The following BPIFC variants were observed in gnomAD, a reference collection of about 807,000 sequenced individuals.
The protein encoded by BPIFC is BPI fold-containing family C protein.
A neutral mutation model predicts 57.6 loss-of-function variants in BPIFC; 60 were observed. The ratio of observed to expected loss-of-function variants is 1.04; its 90% CI spans 0.85 to 1.29. BPIFC has a LOEUF of 1.29. BPIFC is among the 50% of genes most tolerant of loss of function. The pLI, the probability that BPIFC is intolerant of heterozygous loss-of-function variation, is 0.00. For missense variants in BPIFC, 581 were observed against 600.5 expected, an observed-to-expected ratio of 0.97 and a Z score of 0.34; for synonymous variants, 243 against 224.5, an observed-to-expected ratio of 1.08 and a Z score of -0.74.
At chr22:32,424,894 G>A (rs1470827420) in intron 13 of BPIFC, among the ~76,000 whole-genome samples, 1 of 150,762 alleles carries the variant, frequency 6.6e-6, no homozygotes, top group Non-Finnish European at 1.5e-5. Context: ...CGATTCTCCT[G>A]CCTCAGCCTC....
chr22:32,421,529 T>C (rs564888446), intron 13 of BPIFC, among the ~76,000 whole-genome samples: 1 of 152,208 alleles, frequency 6.6e-6, no homozygotes, highest in South Asian at 2.1e-4. Context: ...TTCCAATCCA[T>C]CTTCTACACC....
chr22:32,419,511 A>C, intron 13 of BPIFC, 107 bp from the exon 14 acceptor site: 1 of 1,164,740 alleles, frequency 8.6e-7, no homozygotes, highest in South Asian at 1.4e-5. Flanking sequence ...TATTTAAAAA[A>C]AAACACACAA....
intron 3 of BPIFC, 133 bp downstream of exon 3, chr22:32,457,130 C>T: frequency 9.6e-7 from 1 of 1,042,192 alleles, no homozygotes; most frequent in South Asian, 2.1e-5. Flanking sequence ...GCAGTTTCTG[C>T]ATAAGGTACT....
At chr22:32,446,596 G>T in intron 5 of BPIFC, 1 of 221,204 alleles carries the variant, frequency 4.5e-6, no homozygotes, top group Non-Finnish European at 7.6e-6. Context: ...ATGTTACACA[G>T]CAGGCACTCA....
chr22:32,459,838 A>G (rs1935126160), intron 2 of BPIFC, among the ~76,000 whole-genome samples: 1 of 150,002 alleles, frequency 6.7e-6, no homozygotes, highest in African/African-American at 2.5e-5. Context: ...GCAACGGAGC[A>G]AGATCCTGTC....
In BPIFC at chr22:32,445,963, G is replaced by A. The variant is rs200973548; in HGVS notation, c.408C>T (p.Ser136=). ...QDTGGADLFL[S]GVYFTGIIIL... is the part of the protein sequence containing the mutation. The stretch of plus-strand genomic sequence containing the variant: ...TAATGATACCGGTAAAGTAGACTCC[G>A]GAGAGAAACAGATCAGCCCCTCCTG... The change falls in exon 6 of 17, where the codon TCC becomes TCT. Residue 136 remains serine, a synonymous_variant. Transcript: ENST00000300399. The A allele has an allele frequency of 2.5e-5, 41 of 1,614,088 alleles. No individual in the cohort carries two copies. The highest frequency in any genetic ancestry group is 1.8e-4 in the East Asian group (8 of 44,868).
intron 15 of BPIFC, 86 bp from the exon 16 acceptor site, chr22:32,416,077 T>TG: frequency 1.4e-6 from 1 of 729,586 alleles, no homozygotes; most frequent in Non-Finnish European, 2.1e-6. Context: ...ACTGACAGCT[T>TG]GCTTTTTTTT....
intron 8 of BPIFC, among the ~76,000 whole-genome samples, chr22:32,439,414 T>G (rs560117526): frequency 6.6e-6 from 1 of 152,264 alleles, no homozygotes; most frequent in East Asian, 1.9e-4. Context: ...CCCACTCGGC[T>G]TTGGAGAGCT....
At chr22:32,455,050 C>CTTTTTTTTTTTTTTTTTTTTTTTTTTTTT (rs1392514246) in intron 3 of BPIFC, among the ~76,000 whole-genome samples, 1 of 134,148 alleles carries the variant, frequency 7.5e-6, no homozygotes. Flanking sequence ...TTTTCATCTC[C>CTTTTTTTTTTTTTTTTTTTTTTTTTTTTT]ATTTTTTTTT....
At position 32,414,315 on chromosome 22, in the gene BPIFC, C is replaced by A; in HGVS notation, c.1512G>T (p.Lys504Asn). Residue 504 changes from lysine to asparagine, a missense_variant, in exon 17 of 17, where the codon AAG becomes AAT. By Grantham distance (94) the Lys-to-Asn change is moderately conservative. Transcript: ENST00000300399. The part of the protein sequence containing the change: ...LNLISRQWRG[K>N]SAP ...TGCAAACCGGCAATCAAGGGGCTGA[C>A]TTCCCCCTCCACTGTCTGCTTATCA... 6.2e-7 allele frequency: 1 copy of A among 1,613,450 alleles called. No homozygotes were observed.
At chr22:32,450,163 C>CATAT (rs112140454) in intron 4 of BPIFC, among the ~76,000 whole-genome samples, 62 of 150,528 alleles carry the variant, frequency 4.1e-4, no homozygotes, top group African/African-American at 1.4e-3. Flanking sequence ...TATATACACA[C>CATAT]ATATATATAA....
chr22:32,452,966 T>G (rs1268846640), intron 4 of BPIFC, among the ~76,000 whole-genome samples: 3 of 152,220 alleles, frequency 2.0e-5, no homozygotes, highest in Non-Finnish European at 4.4e-5. Flanking sequence ...TGAACATTCC[T>G]GATTTTATTG....
intron 13 of BPIFC, among the ~76,000 whole-genome samples, chr22:32,422,391 C>G (rs1933872820): frequency 6.6e-6 from 1 of 152,094 alleles, no homozygotes. Context: ...ACACACCATA[C>G]AGACTTGCTG....
intron 7 of BPIFC, 39 bp from the exon 8 acceptor site, chr22:32,442,770 ATGT>A: frequency 6.3e-7 from 1 of 1,587,884 alleles, no homozygotes; most frequent in Non-Finnish European, 8.6e-7. Flanking sequence ...GCAAGTTACC[ATGT>A]TGTACTGGAA....
At chr22:32,434,057 C>T (rs1015865268) in intron 10 of BPIFC, among the ~76,000 whole-genome samples, 3 of 147,820 alleles carry the variant, frequency 2.0e-5, no homozygotes, top group South Asian at 2.2e-4. Flanking sequence ...ATGAATTGTA[C>T]GTATGTAGTA....
At chr22:32,419,328 A>C (rs371751585) in intron 14 of BPIFC, 34 bp downstream of exon 14, 1 of 1,593,924 alleles carries the variant, frequency 6.3e-7, no homozygotes, top group Non-Finnish European at 8.6e-7. Flanking sequence ...TCGTTCTTCC[A>C]GTGCTTGGTA....
chr22:32,428,730 T>G (rs1387350519), intron 13 of BPIFC, among the ~76,000 whole-genome samples: 1 of 151,894 alleles, frequency 6.6e-6, no homozygotes, highest in African/African-American at 2.4e-5. Context: ...AAACCCCATC[T>G]CTACTAAAAA....
chr22:32,428,250 CGTGTGTGTGTGTGTGTGTGCGCGCGCGT>C (rs1048694758), intron 13 of BPIFC, among the ~76,000 whole-genome samples: 10 of 143,264 alleles, frequency 7.0e-5, no homozygotes, highest in East Asian at 4.2e-4. Context: ...TACATTAAAA[CGTGTGTGTGTGTGTGTGTGCGCGCGCGT>C]GTGTGTGTGT....
At chr22:32,423,548 A>G (rs1933906101) in intron 13 of BPIFC, among the ~76,000 whole-genome samples, 1 of 146,920 alleles carries the variant, frequency 6.8e-6, no homozygotes, top group African/African-American at 2.6e-5. Flanking sequence ...TTCTCTCGCT[A>G]TGTTGCTTGG....
Sources: gnomAD v4.1 joint callset for allele counts (sites outside exome capture counted in the v4.1 genomes callset) on GRCh38, gnomAD v4.1.1 for gene constraint, MANE v1.5 for transcripts, NCBI Gene and HGNC (gene_info 2026-07-23, HGNC 2026-07-21) for gene names.